NBEAL2: variants seen among roughly 807,000 people sequenced by gnomAD.
The protein encoded by NBEAL2 is neurobeachin like 2.
NBEAL2 carries 160 observed loss-of-function variants against 299.8 expected under a neutral mutation model. The observed-to-expected ratio is 0.53, with a 90% CI of 0.47 to 0.61. The LOEUF (loss-of-function observed/expected upper bound fraction) is 0.61. Among genes scored for constraint, NBEAL2 ranks in the 20% least tolerant of loss-of-function variants. NBEAL2 has a pLI of 0.00. For missense variants in NBEAL2, 3,112 were observed against 3,649.0 expected, an observed-to-expected ratio of 0.85 and a Z score of 3.79; for synonymous variants, 1,493 against 1,542.3, an observed-to-expected ratio of 0.97 and a Z score of 0.75.
Position 46,998,575 on chromosome 3 carries a change from G to A in NBEAL2, c.3221+10G>A, listed in dbSNP as rs368325716. 3 of 1,606,154 alleles carry A rather than the reference G, an allele frequency of 1.9e-6. No individual in the cohort carries two copies. Among genetic ancestry groups the A allele is most frequent in the Admixed American group, 1.7e-5 (1 of 58,812 alleles). Reference sequence around the variant, plus strand: ...TGCGCACCCACTACAGGTGAGGCCAGTGGGGCCAGATGGGCCATGGGGGGC... The same window carrying A: ...TGCGCACCCACTACAGGTGAGGCCAATGGGGCCAGATGGGCCATGGGGGGC... On this transcript the variant is annotated intron_variant, in intron 22 of 53. Coordinates refer to ENST00000450053, the MANE Select transcript of NBEAL2 (RefSeq NM_015175.3).
rs1244736248 is a variant in NBEAL2 at position 46,982,281 on chromosome 3, C to T, written c.51+2369C>T. Among the ~76,000 whole-genome samples the T allele has an allele frequency of 2.0e-5, 3 of 152,174 alleles. No homozygotes were observed. Among genetic ancestry groups the T allele is most frequent in the African/African-American group, 7.2e-5 (3 of 41,438 alleles). On this transcript the variant is annotated intron_variant, in intron 1 of 53. Transcript: ENST00000450053. The surrounding 1 kb of genome is among the most constrained non-coding windows in gnomAD (Gnocchi z 4.2). The stretch of plus-strand genomic sequence containing the variant: ...GAGACCCTTTAGTTGGCCAGCCACC[C>T]AGCCAGCAACACCTGCACCCCTCCC...
chr3:46,995,947 G>A lies in NBEAL2; in HGVS notation c.2047G>A (p.Val683Ile), dbSNP rs72909834. The change falls in exon 15 of 54, where the codon GTC becomes ATC. Residue 683 changes from valine (V) to isoleucine (I), a missense_variant. By Grantham distance (29) the Val-to-Ile change is conservative. Coordinates refer to ENST00000450053, the MANE Select transcript of NBEAL2 (RefSeq NM_015175.3). ...TCTGTTCTAGCACTGCGTGGCTATC[G>A]TCCATGTGCCTGGGCGCCGGCCCTT... ...ADSAWHCVAI[V>I]HVPGRRPFSQ... The A allele has an allele frequency of 4.3e-4, 689 of 1,613,356 alleles. 6 individuals carry two copies. In the African/African-American group the frequency reaches 5.6e-3, roughly 13 times the overall value.
Position 46,997,401 on chromosome 3 carries a change from A to G in NBEAL2, c.2792A>G (p.Gln931Arg). ...GAACTGACCTCTGGTCACAACACCC[A>G]GGGCCTGGTTCTCCCATTGGGTAAA... ...GPELTSGHNT[Q>R]GLVLPLGKSS... The change falls in exon 19 of 54, where the codon CAG becomes CGG. Residue 931 changes from glutamine (Q) to arginine (R), a missense_variant. Gln to Arg is a conservative substitution (Grantham distance 43). Transcript: ENST00000450053. 1 of 1,611,158 alleles carries G rather than the reference A, an allele frequency of 6.2e-7. No homozygotes were observed. The highest frequency in any genetic ancestry group is 1.1e-5 in the South Asian group (1 of 91,014).
At chr3:46,999,742 G>T in intron 26 of NBEAL2, 27 bp downstream of exon 26, 1 of 1,604,556 alleles carries the variant, frequency 6.2e-7, no homozygotes, top group Non-Finnish European at 8.5e-7. Context: ...AAAGCTTTGG[G>T]GGAGGGGGAG....
rs1350549893 is a variant in NBEAL2, at chr3:46,996,791, G to A, written c.2514G>A (p.Leu838=). The part of the protein sequence containing the change: ...ETAPFKPEGE[L]HELSTRLLLH... ...CACCCTTCAAGCCTGAGGGGGAGCT[G>A]CATGAGCTCAGCACCAGGCTGCTCC... Residue 838 remains leucine (L), a synonymous_variant, in exon 17 of 54, where the codon CTG becomes CTA. Transcript: ENST00000450053. 5 of 1,612,632 alleles carry A rather than the reference G, an allele frequency of 3.1e-6. No individual in the cohort carries two copies. The highest frequency in any genetic ancestry group is 3.4e-6 in the Non-Finnish European group (4 of 1,179,800).
At chr3:46,987,594 G>A (rs1022517396) in intron 1 of NBEAL2, among the ~76,000 whole-genome samples, 11 of 152,190 alleles carry the variant, frequency 7.2e-5, no homozygotes, top group Non-Finnish European at 1.2e-4. Context: ...GGCGGGCGGC[G>A]GGGCGGGACA....
At chr3:47,005,368 G>A in intron 40 of NBEAL2, 47 bp downstream of exon 40, 1 of 1,587,648 alleles carries the variant, frequency 6.3e-7, no homozygotes, top group South Asian at 1.1e-5. Flanking sequence ...GATAAGGGGA[G>A]GAGGCTGGTC....
intron 1 of NBEAL2, among the ~76,000 whole-genome samples, chr3:46,985,981 G>C (rs534519115): frequency 6.6e-6 from 1 of 152,316 alleles, no homozygotes; most frequent in Non-Finnish European, 1.5e-5. Flanking sequence ...CTGGCTCCCT[G>C]AGGGACTCCC....
At position 46,989,147 on chromosome 3, in the gene NBEAL2, T is replaced by C. The variant is rs768702202; in HGVS notation, c.332T>C (p.Leu111Ser). The C allele has an allele frequency of 6.2e-7, 1 of 1,613,912 alleles. No individual in the cohort carries two copies. The highest frequency in any genetic ancestry group is 8.5e-7 in the Non-Finnish European group (1 of 1,179,848). ...QVLVPRVLAL[L>S]TKLVAELKGC... is the part of the protein sequence containing the mutation. ...CTAGTGCCCCGAGTGCTGGCACTGT[T>C]GACCAAGTTGGTGGCGGAGGTGAAG... Residue 111 changes from leucine to serine, a missense_variant, in exon 4 of 54, where the codon TTG (leucine) becomes TCG (serine). Leu to Ser is a moderately radical substitution (Grantham distance 145). This residue lies in a region of NBEAL2 where 2,243 missense variants were observed against 2,538.1 expected (regional missense o/e 0.88). Transcript: ENST00000450053. The surrounding 1 kb of genome is among the most constrained non-coding windows in gnomAD (Gnocchi z 5.5).
chr3:47,008,697 C>A, intron 52 of NBEAL2, 29 bp downstream of exon 52: 1 of 1,611,754 alleles, frequency 6.2e-7, no homozygotes, highest in Middle Eastern at 1.6e-4. Context: ...GGTTCATGGC[C>A]CCTGAAGGTG....
At chr3:46,992,366 G>A (rs1021363948) in intron 9 of NBEAL2, 109 bp from the exon 10 acceptor site, 139 of 1,037,134 alleles carry the variant, frequency 1.3e-4, no homozygotes, top group Admixed American at 1.2e-3. Context: ...CCCTAGTGCC[G>A]GGCAGGGCAC....
chr3:46,992,063 C>A, intron 9 of NBEAL2, 117 bp downstream of exon 9: 2 of 945,952 alleles, frequency 2.1e-6, no homozygotes, highest in Non-Finnish European at 3.3e-6. Flanking sequence ...TGTTTTGCAG[C>A]TGGTGGGATG....
chr3:47,004,778 C>G lies in NBEAL2; in HGVS notation c.6294+188C>G. On this transcript the variant is annotated intron_variant, in intron 38 of 53. Coordinates refer to ENST00000450053, the MANE Select transcript of NBEAL2 (RefSeq NM_015175.3). This position sits in a 1 kb window ranked among gnomAD's most constrained non-coding sequence, Gnocchi z 5.0. ...CCCCAGCCTCACTCCCTTCCCCTCC[C>G]TGCCTAGCCTCTATTCCTCAAAAGG... 1.9e-6 allele frequency: 2 copies of G among 1,038,516 alleles called. No individual in the cohort carries two copies. The highest frequency in any genetic ancestry group is 4.3e-5 in the Admixed American group (2 of 46,350). 64.3% of individuals were successfully genotyped at this position (1,038,516 alleles called of 1,614,324 possible).
At position 46,982,198 on chromosome 3, in the gene NBEAL2, G is replaced by A. The variant is rs1380073000; in HGVS notation, c.51+2286G>A. ...TTGAGTCCTGTTAGGGACCTATTGTGTGTGTGCTTGGGGAGGGGGAGTGCA... is the reference window on the plus strand; with the variant it reads ...TTGAGTCCTGTTAGGGACCTATTGTATGTGTGCTTGGGGAGGGGGAGTGCA... On this transcript the variant is annotated intron_variant, in intron 1 of 53. Coordinates refer to ENST00000450053, the MANE Select transcript of NBEAL2 (RefSeq NM_015175.3). This position sits in a 1 kb window ranked among gnomAD's most constrained non-coding sequence, Gnocchi z 4.2. Among the ~76,000 whole-genome samples the A allele has an allele frequency of 6.6e-6, 1 of 152,186 alleles. No individual in the cohort carries two copies. Among genetic ancestry groups the A allele is most frequent in the Non-Finnish European group, 1.5e-5 (1 of 68,036 alleles).
chr3:47,006,688 T>C (rs2037471672), intron 45 of NBEAL2, among the ~76,000 whole-genome samples: 1 of 152,028 alleles, frequency 6.6e-6, no homozygotes, highest in Non-Finnish European at 1.5e-5. Flanking sequence ...AGGAGGGAGA[T>C]CTGTCCTTGG....
chr3:47,005,473 C>G lies in NBEAL2; in HGVS notation c.6561-16C>G. ...CATTCTCCCCACCTCACCTTGGCCCCGTGCCCCTCCCCCAGCTTTGACTGC... is the reference window on the plus strand; with the variant it reads ...CATTCTCCCCACCTCACCTTGGCCCGGTGCCCCTCCCCCAGCTTTGACTGC... On this transcript the variant is annotated splice_polypyrimidine_tract_variant and intron_variant, in intron 40 of 53. Transcript: ENST00000450053. 1 of 1,609,162 alleles carries G rather than the reference C, an allele frequency of 6.2e-7. No individual in the cohort carries two copies.
In NBEAL2 at chr3:46,994,445, C is replaced by G; in HGVS notation, c.1198-10C>G. ...ATGTGTTCACTTCTTCCCCATACTA[C>G]CTTACACAGGAGGTGTTTAAGGAGC... On this transcript the variant is annotated splice_polypyrimidine_tract_variant and intron_variant, in intron 11 of 53. Transcript: ENST00000450053. 6.3e-7 allele frequency: 1 copy of G among 1,580,350 alleles called. No homozygotes were observed. The highest frequency in any genetic ancestry group is 8.6e-7 in the Non-Finnish European group (1 of 1,160,664).
rs1475796283 is a variant in NBEAL2, at chr3:47,009,123, A to C, written c.8162A>C (p.Glu2721Ala). ...GTGGTGGTCGCGGGGCAGCCCTCTG[A>C]GGTGAGGATGGGGCGGGGGTGGGGA... ...LIVVVAGQPS[E>A]VRSSQFARKL... is the part of the protein sequence containing the mutation. Residue 2721 changes from glutamate (E) to alanine (A), a missense_variant and splice_region_variant, in exon 53 of 54, where the codon GAG becomes GCG. Around this residue, in one of 3 missense-constraint regions of NBEAL2, gnomAD observed 348 missense variants for 381.4 expected, o/e 0.91. Transcript: ENST00000450053. 2.7e-6 allele frequency: 2 copies of C among 740,180 alleles called. No homozygotes were observed. The highest frequency in any genetic ancestry group is 2.3e-5 in the African/African-American group (1 of 42,790). 45.9% of individuals were successfully genotyped at this position (740,180 alleles called of 1,614,324 possible). A position where few individuals can be genotyped will look rare whatever the true frequency, so the allele number is the denominator to read the frequency against.
chr3:46,996,505 C>A lies in NBEAL2; in HGVS notation c.2386C>A (p.Pro796Thr). Residue 796 changes from proline (P) to threonine (T), a missense_variant, in exon 16 of 54, where the codon CCC becomes ACC. By Grantham distance (38) the Pro-to-Thr change is conservative. This residue lies in a region of NBEAL2 where 2,243 missense variants were observed against 2,538.1 expected (regional missense o/e 0.88). Coordinates refer to ENST00000450053, the MANE Select transcript of NBEAL2 (RefSeq NM_015175.3). ...AGTQDTRWGS[P>T]TSLEGELGAV... ...CACCCAGGACACTCGGTGGGGCAGC[C>A]CCACATCCCTGGAGGGTGAGCTGGG... The A allele has an allele frequency of 1.3e-6, 2 of 1,578,912 alleles. No homozygotes were observed. Among genetic ancestry groups the A allele is most frequent in the Non-Finnish European group, 1.7e-6 (2 of 1,159,534 alleles).
Sources: gnomAD v4.1 joint callset for allele counts (sites outside exome capture counted in the v4.1 genomes callset) on GRCh38, gnomAD v4.1.1 for gene constraint, gnomAD v4.1.1 regional missense constraint, Gnocchi (gnomAD v3.1) non-coding constraint, MANE v1.5 for transcripts, NCBI Gene and HGNC (gene_info 2026-07-23, HGNC 2026-07-21) for gene names.